The following OPN3 variants were observed in gnomAD, a reference collection of about 807,000 sequenced individuals.
OPN3 encodes opsin 3, also known as opsin-3.
A neutral mutation model predicts 33.8 loss-of-function variants in OPN3; 29 were observed. That is an observed-to-expected ratio of 0.86 (90% CI 0.64 to 1.17). The LOEUF (loss-of-function observed/expected upper bound fraction) is 1.17. Among genes scored for constraint, OPN3 ranks in the 50% most tolerant of loss-of-function variants. The pLI is 0.00. For synonymous variants in OPN3, 216 were observed against 216.1 expected (o/e 1.00, Z 0.00); for missense variants, 437 against 514.1 (o/e 0.85, Z 1.45).
intron 1 of OPN3, among the ~76,000 whole-genome samples, chr1:241,613,253 C>T (rs1463394293): frequency 1.3e-5 from 2 of 152,128 alleles, no homozygotes; most frequent in African/African-American, 4.8e-5. Context: ...CCTGTGTTAT[C>T]TCACTTAATC....
chr1:241,637,614 A>T (rs1188288584), intron 1 of OPN3, among the ~76,000 whole-genome samples: 1 of 152,188 alleles, frequency 6.6e-6, no homozygotes, highest in South Asian at 2.1e-4. Flanking sequence ...AGAAGACACA[A>T]TCAATAAGCG....
intron 1 of OPN3, among the ~76,000 whole-genome samples, chr1:241,618,653 C>T (rs72768035): frequency 0.028 from 4,315 of 152,200 alleles, 90 homozygotes; most frequent in Non-Finnish European, 0.046. Flanking sequence ...ATTTCTGGTC[C>T]GTGCTGACCT....
At chr1:241,620,094 G>T (rs139686793) in intron 1 of OPN3, among the ~76,000 whole-genome samples, 1 of 151,884 alleles carries the variant, frequency 6.6e-6, no homozygotes, top group African/African-American at 2.4e-5. Flanking sequence ...ACAGGGTGGG[G>T]CAGGGTTGGG....
intron 1 of OPN3, among the ~76,000 whole-genome samples, chr1:241,628,325 A>G (rs1055030833): frequency 1.3e-5 from 2 of 152,136 alleles, no homozygotes; most frequent in Non-Finnish European, 2.9e-5. Context: ...CAGAGCACTT[A>G]TTTTTGTATC....
chr1:241,624,712 G>C (rs532684989), intron 1 of OPN3, among the ~76,000 whole-genome samples: 1 of 152,282 alleles, frequency 6.6e-6, no homozygotes, highest in South Asian at 2.1e-4. Context: ...GAAGAAATCA[G>C]AACAGTTCAT....
At chr1:241,602,971 G>A (rs957471463) in intron 2 of OPN3, among the ~76,000 whole-genome samples, 2 of 152,174 alleles carry the variant, frequency 1.3e-5, no homozygotes, top group Non-Finnish European at 2.9e-5. Context: ...AGTTAGCAGT[G>A]ACAAAATGGA....
At chr1:241,620,818 C>T (rs1172134214) in intron 1 of OPN3, among the ~76,000 whole-genome samples, 1 of 152,092 alleles carries the variant, frequency 6.6e-6, no homozygotes, top group Admixed American at 6.5e-5. Flanking sequence ...ATTTCAAGAG[C>T]TCAAGAGACA....
chr1:241,629,096 TTC>T (rs1664514879), intron 1 of OPN3: 1 of 152,626 alleles, frequency 6.6e-6, no homozygotes, highest in South Asian at 2.1e-4. Flanking sequence ...CTATATAACA[TTC>T]TGTGATAGCA....
chr1:241,611,493 CAA>C (rs10645786), intron 1 of OPN3, among the ~76,000 whole-genome samples: 29,991 of 123,086 alleles, frequency 0.24, 3,471 homozygotes, highest in Non-Finnish European at 0.32. Context: ...TTAACAAGGC[CAA>C]AAAAAAAAAA....
At chr1:241,634,893 C>T (rs375033553) in intron 1 of OPN3, 1 of 1,610,448 alleles carries the variant, frequency 6.2e-7, no homozygotes, top group African/African-American at 1.3e-5. Flanking sequence ...CTCTTTTCAA[C>T]CATGGTGAGT....
Position 241,593,324 on chromosome 1 carries a change from T to A in OPN3, c.*1104A>T, listed in dbSNP as rs1196893749. On this transcript the variant is annotated 3_prime_UTR_variant, in exon 4 of 4. Coordinates refer to ENST00000366554, the MANE Select transcript of OPN3 (RefSeq NM_014322.3). ...AATACACTTGATTTTTAAAAGCACATTTAGTGAAATGTTTTCTTTGGTTCA... is the reference window on the plus strand; with the variant it reads ...AATACACTTGATTTTTAAAAGCACAATTAGTGAAATGTTTTCTTTGGTTCA... 2 of 417,352 alleles carry A rather than the reference T, an allele frequency of 4.8e-6. No homozygotes were observed. The highest frequency in any genetic ancestry group is 3.5e-5 in the South Asian group (2 of 56,544). The allele number at this position is 417,352 out of a possible 1,614,324, so 25.9% of individuals were successfully genotyped here. A position where few individuals can be genotyped will look rare whatever the true frequency, so the allele number is the denominator to read the frequency against.
At chr1:241,598,410 C>T (rs74948558) in intron 2 of OPN3, among the ~76,000 whole-genome samples, 1 of 152,210 alleles carries the variant, frequency 6.6e-6, no homozygotes, top group Non-Finnish European at 1.5e-5. Flanking sequence ...TCAAATCAGA[C>T]TGCACACCCA....
chr1:241,616,658 C>T (rs1664140936), intron 1 of OPN3, among the ~76,000 whole-genome samples: 1 of 151,792 alleles, frequency 6.6e-6, no homozygotes, highest in Admixed American at 6.6e-5. Context: ...ATACACATGA[C>T]CATGTTTCTT....
intron 1 of OPN3, among the ~76,000 whole-genome samples, chr1:241,623,742 G>A (rs1229165164): frequency 2.6e-5 from 4 of 152,080 alleles, no homozygotes; most frequent in African/African-American, 9.7e-5. Context: ...TCTTCAAATT[G>A]TTCTCTGCCT....
Position 241,640,270 on chromosome 1 carries a change from C to G in OPN3, c.-16G>C, listed in dbSNP as rs1333398132. 5.7e-5 allele frequency: 68 copies of G among 1,184,768 alleles called. No homozygotes were observed. The highest frequency in any genetic ancestry group is 6.7e-4 in the Middle Eastern group (2 of 2,974). 73.4% of individuals were successfully genotyped at this position (1,184,768 alleles called of 1,614,324 possible). On this transcript the variant is annotated 5_prime_UTR_variant, in exon 1 of 4. Transcript: ENST00000366554. ...CCGAGTACATGGCCCGGCGCCGGCG[C>G]GCCTGGCGGGCGGAGGCGCTCAGCT...
chr1:241,597,638 GT>G (rs369806826), intron 3 of OPN3, 107 bp downstream of exon 3: 4,874 of 979,298 alleles, frequency 5.0e-3, no homozygotes, highest in South Asian at 6.1e-3. Context: ...AAAAATTCTT[GT>G]TTTTTTTTTA....
intron 3 of OPN3, chr1:241,594,908 C>A: frequency 1.8e-6 from 1 of 540,838 alleles, no homozygotes; most frequent in Non-Finnish European, 3.3e-6. Flanking sequence ...ATATGTAGGA[C>A]CATTTCAATA....
intron 1 of OPN3, chr1:241,615,885 C>T (rs777189637): frequency 8.8e-6 from 4 of 456,564 alleles, no homozygotes; most frequent in South Asian, 6.2e-5. Context: ...CTGCACTGGA[C>T]CCATGGAGGC....
chr1:241,597,422 G>T (rs1663556001), intron 3 of OPN3, among the ~76,000 whole-genome samples: 1 of 152,150 alleles, frequency 6.6e-6, no homozygotes, highest in Non-Finnish European at 1.5e-5. Flanking sequence ...TGACTTGCTT[G>T]TAACTTGCTT....
Sources: gnomAD v4.1 joint callset for allele counts (sites outside exome capture counted in the v4.1 genomes callset) on GRCh38, gnomAD v4.1.1 for gene constraint, MANE v1.5 for transcripts, NCBI Gene and HGNC (gene_info 2026-07-23, HGNC 2026-07-21) for gene names.